Variants in LCLAT1 observed in about 807,000 individuals in gnomAD.
The protein encoded by LCLAT1 is 1-AGP acyltransferase 8.
Under a neutral mutation model 30.7 loss-of-function variants are expected in LCLAT1, and 11 were observed. The observed-to-expected ratio is 0.36, with a 90% CI of 0.23 to 0.59. The LOEUF is 0.59. LCLAT1 is among the 20% of genes least tolerant of loss of function. The probability of loss-of-function intolerance (pLI) is 0.77; values close to 1 mark genes in which losing one functional copy is unlikely to be tolerated. For synonymous variants in LCLAT1, 155 were observed against 151.3 expected (o/e 1.02, Z -0.18); for missense variants, 402 against 458.6 (o/e 0.88, Z 1.13).
intron 5 of LCLAT1, among the ~76,000 whole-genome samples, chr2:30,622,453 T>C (rs1668308249): frequency 6.6e-6 from 1 of 152,126 alleles, no homozygotes; most frequent in Non-Finnish European, 1.5e-5. Context: ...CCACCACAGC[T>C]GATGCTTTCT....
intron 3 of LCLAT1, among the ~76,000 whole-genome samples, chr2:30,534,435 G>A (rs1034467260): frequency 3.3e-5 from 5 of 152,070 alleles, no homozygotes; most frequent in African/African-American, 9.7e-5. Flanking sequence ...CAGCCACCAC[G>A]CCTGGCTAAT....
At chr2:30,474,210 C>G (rs1171947279) in intron 1 of LCLAT1, among the ~76,000 whole-genome samples, 1 of 152,150 alleles carries the variant, frequency 6.6e-6, no homozygotes, top group Admixed American at 6.6e-5. Context: ...GGAGAGGGAG[C>G]TGGGGAGAAG....
intron 1 of LCLAT1, among the ~76,000 whole-genome samples, chr2:30,512,170 AGTTTT>A (rs950562991): frequency 7.2e-5 from 11 of 151,914 alleles, no homozygotes; most frequent in African/African-American, 2.7e-4. Flanking sequence ...AGACCTTTTT[AGTTTT>A]GTTTTTAGTT....
At chr2:30,483,357 C>A (rs893643372) in intron 1 of LCLAT1, among the ~76,000 whole-genome samples, 11 of 151,984 alleles carry the variant, frequency 7.2e-5, no homozygotes, top group African/African-American at 2.7e-4. Flanking sequence ...AAAACTACTC[C>A]AAAGTAAAAA....
intron 1 of LCLAT1, among the ~76,000 whole-genome samples, chr2:30,522,014 A>G (rs1047154790): frequency 5.3e-5 from 8 of 152,198 alleles, no homozygotes; most frequent in Admixed American, 3.3e-4. Context: ...TTAACTCAAC[A>G]TGTTGCATGG....
chr2:30,565,817 G>GT (rs1161884659), intron 4 of LCLAT1, among the ~76,000 whole-genome samples: 1 of 152,102 alleles, frequency 6.6e-6, no homozygotes, highest in East Asian at 1.9e-4. Context: ...GTAGGGTGCT[G>GT]TTTTGTTTAA....
At chr2:30,546,847 G>A (rs1664435479) in intron 3 of LCLAT1, among the ~76,000 whole-genome samples, 1 of 151,922 alleles carries the variant, frequency 6.6e-6, no homozygotes, top group African/African-American at 2.4e-5. Context: ...TATCCAGTTT[G>A]GTGGGTTCTT....
At chr2:30,454,820 T>A (rs1681744546) in intron 1 of LCLAT1, among the ~76,000 whole-genome samples, 1 of 152,234 alleles carries the variant, frequency 6.6e-6, no homozygotes, top group Non-Finnish European at 1.5e-5. Flanking sequence ...GAATTATGTT[T>A]GCTTTGTTCA....
intron 5 of LCLAT1, among the ~76,000 whole-genome samples, chr2:30,570,257 G>C (rs1406543033): frequency 6.6e-6 from 1 of 151,974 alleles, no homozygotes; most frequent in Non-Finnish European, 1.5e-5. Context: ...CATCCCTCCT[G>C]TATCAGTAAA....
At chr2:30,468,028 G>C (rs1183394025) in intron 1 of LCLAT1, among the ~76,000 whole-genome samples, 1 of 152,166 alleles carries the variant, frequency 6.6e-6, no homozygotes, top group East Asian at 1.9e-4. Flanking sequence ...CCTATGTCCT[G>C]AATGGTATTG....
intron 5 of LCLAT1, among the ~76,000 whole-genome samples, chr2:30,621,528 A>G (rs187204889): frequency 1.3e-5 from 2 of 152,324 alleles, no homozygotes; most frequent in African/African-American, 4.8e-5. Flanking sequence ...GAAATACTGC[A>G]GAAACATAAA....
At chr2:30,461,055 T>C (rs1381708260) in intron 1 of LCLAT1, among the ~76,000 whole-genome samples, 1 of 152,254 alleles carries the variant, frequency 6.6e-6, no homozygotes, top group African/African-American at 2.4e-5. Flanking sequence ...GATTGTATAG[T>C]GCTTTCACTG....
intron 1 of LCLAT1, among the ~76,000 whole-genome samples, chr2:30,459,964 G>A (rs890008491): frequency 1.3e-5 from 2 of 152,130 alleles, no homozygotes; most frequent in Non-Finnish European, 2.9e-5. Flanking sequence ...CAGCATTTCT[G>A]TTTGGCATTT....
In LCLAT1 at chr2:30,617,390, A is replaced by T. The variant is rs376077907; in HGVS notation, c.629-22727A>T. ...TTATTCCTTTTTATTGCTGATTGGT[A>T]TTGCATTGTGTGGAATATGCCACAA... On this transcript the variant is annotated intron_variant, in intron 5 of 5. Coordinates refer to ENST00000379509, the MANE Select transcript of LCLAT1 (RefSeq NM_001002257.3). 1.9e-4 allele frequency among the ~76,000 whole-genome samples: 29 copies of T among 152,256 alleles called. No homozygotes were observed. The East Asian group carries it at 2.1e-3, about 11-fold the overall frequency.
At chr2:30,542,863 A>G (rs1294032951) in intron 3 of LCLAT1, among the ~76,000 whole-genome samples, 1 of 151,442 alleles carries the variant, frequency 6.6e-6, no homozygotes, top group Non-Finnish European at 1.5e-5. Context: ...ACTATTCTAC[A>G]TGCTTTGTGG....
At chr2:30,637,084 TG>T (rs1300667355) in intron 5 of LCLAT1, among the ~76,000 whole-genome samples, 1 of 152,146 alleles carries the variant, frequency 6.6e-6, no homozygotes, top group Non-Finnish European at 1.5e-5. Flanking sequence ...TCTGGCTAAT[TG>T]GCATGACAAG....
chr2:30,542,807 A>C (rs180756313), intron 3 of LCLAT1, among the ~76,000 whole-genome samples: 2 of 152,220 alleles, frequency 1.3e-5, no homozygotes, highest in Non-Finnish European at 2.9e-5. Context: ...CTGCCAGTTT[A>C]TAGAAATGCA....
chr2:30,561,028 GC>G (rs5830179), intron 3 of LCLAT1, among the ~76,000 whole-genome samples: 93,882 of 151,838 alleles, frequency 0.62, 29,410 homozygotes, highest in Non-Finnish European at 0.68. Flanking sequence ...TGCAACCTCT[GC>G]CCCCCGGGTT....
intron 3 of LCLAT1, among the ~76,000 whole-genome samples, chr2:30,553,351 A>G (rs1664764695): frequency 6.6e-6 from 1 of 152,192 alleles, no homozygotes; most frequent in Non-Finnish European, 1.5e-5. Flanking sequence ...ATTATTTACA[A>G]CTGCTTTGAG....
Sources: allele counts gnomAD v4.1 joint callset (sites outside exome capture counted in the v4.1 genomes callset), GRCh38; gene constraint gnomAD v4.1.1; transcripts MANE v1.5; gene names NCBI Gene and HGNC (gene_info 2026-07-23, HGNC 2026-07-21).